TRAK2: variants seen among roughly 807,000 people sequenced by gnomAD.
The protein encoded by TRAK2 is trafficking kinesin-binding protein 2.
Under a neutral mutation model 104.6 loss-of-function variants are expected in TRAK2, and 81 were observed. That is an observed-to-expected ratio of 0.77 (90% CI 0.65 to 0.93). The LOEUF (loss-of-function observed/expected upper bound fraction) is 0.93, where lower values mean the gene tolerates loss of function less well. Among genes scored for constraint, TRAK2 ranks in the 40% least tolerant of loss-of-function variants. TRAK2 has a pLI of 0.00. For missense variants in TRAK2, 1,002 were observed against 1,089.0 expected, an observed-to-expected ratio of 0.92 and a Z score of 1.12; for synonymous variants, 406 against 394.4, an observed-to-expected ratio of 1.03 and a Z score of -0.35.
At chr2:201,405,534 G>GT (rs1951586267) in intron 3 of TRAK2, among the ~76,000 whole-genome samples, 1 of 152,190 alleles carries the variant, frequency 6.6e-6, no homozygotes, top group South Asian at 2.1e-4. Flanking sequence ...TGTAGGTGGA[G>GT]TAGGGGGCCC....
chr2:201,439,518 C>A (rs1951903055), intron 1 of TRAK2, among the ~76,000 whole-genome samples: 1 of 151,902 alleles, frequency 6.6e-6, no homozygotes, highest in Admixed American at 6.6e-5. Context: ...AAAAAAAAGT[C>A]CTTAGGCCAG....
intron 15 of TRAK2, among the ~76,000 whole-genome samples, chr2:201,382,734 G>C (rs12623282): frequency 0.58 from 87,798 of 151,970 alleles, 26,486 homozygotes; most frequent in South Asian, 0.69. Context: ...AAATGCTTCC[G>C]TAAATAATCC....
At chr2:201,406,663 T>C (rs369884266) in intron 3 of TRAK2, among the ~76,000 whole-genome samples, 12 of 152,348 alleles carry the variant, frequency 7.9e-5, no homozygotes, top group Middle Eastern at 3.4e-3. Context: ...CATATCAGTA[T>C]TGAACTCATA....
At chr2:201,413,159 A>G in intron 2 of TRAK2, 1 of 1,471,286 alleles carries the variant, frequency 6.8e-7, no homozygotes, top group Non-Finnish European at 9.4e-7. Flanking sequence ...TTGTGCCATT[A>G]AAAATCTTCC....
chr2:201,437,348 T>C (rs894478578), intron 1 of TRAK2, among the ~76,000 whole-genome samples: 3 of 152,182 alleles, frequency 2.0e-5, no homozygotes, highest in African/African-American at 7.2e-5. Flanking sequence ...TTCTCTCCTC[T>C]GGAATCTCAT....
chr2:201,404,432 T>C (rs188526030), intron 3 of TRAK2, among the ~76,000 whole-genome samples: 1 of 152,242 alleles, frequency 6.6e-6, no homozygotes, highest in East Asian at 1.9e-4. Context: ...TTTCCAGAGG[T>C]TGTTAATTAA....
chr2:201,386,846 G>A (rs114793408), intron 13 of TRAK2, among the ~76,000 whole-genome samples: 3,798 of 152,282 alleles, frequency 0.025, 75 homozygotes, highest in Non-Finnish European at 0.04. Flanking sequence ...TCTCTGGCCT[G>A]GAACTATGCC....
chr2:201,399,411 G>T lies in TRAK2; in HGVS notation c.446C>A (p.Ser149Tyr). 2 of 1,611,972 alleles carry T rather than the reference G, an allele frequency of 1.2e-6. No individual in the cohort carries two copies. Among genetic ancestry groups the T allele is most frequent in the Middle Eastern group, 3.3e-4 (2 of 6,058 alleles). ...GGCTTGTCCCAATTGCTCCTCCAGG[G>T]ATTCGTTCTGCTCAGATAAGACATG... ...RNHVLSEQNE[S>Y]LEEQLGQAFD... is the part of the protein sequence containing the mutation. Residue 149 changes from serine to tyrosine, a missense_variant, in exon 5 of 16, where the codon TCC (serine) becomes TAC (tyrosine). Transcript: ENST00000332624.
rs1219013819 is a variant in TRAK2 at position 201,420,612 on chromosome 2, A to G, written c.-105T>C. The G allele has an allele frequency of 4.2e-6, 4 of 941,384 alleles. No individual in the cohort carries two copies. Among genetic ancestry groups the G allele is most frequent in the South Asian group, 2.9e-5 (2 of 69,156 alleles). 58.3% of individuals were successfully genotyped at this position (941,384 alleles called of 1,614,324 possible). On this transcript the variant is annotated 5_prime_UTR_variant, in exon 2 of 16. Coordinates refer to ENST00000332624, the MANE Select transcript of TRAK2 (RefSeq NM_015049.3). The stretch of plus-strand genomic sequence containing the variant: ...TAATGAAATGGATTTGGTCACATGG[A>G]TATTTTCTTTTAGACAGATTTTCTC...
In TRAK2 at chr2:201,420,579, C is replaced by A; in HGVS notation, c.-72G>T. On this transcript the variant is annotated 5_prime_UTR_variant, in exon 2 of 16. Coordinates refer to ENST00000332624, the MANE Select transcript of TRAK2 (RefSeq NM_015049.3). ...ATCAGAGTAAAGGAAATCCATCAAG[C>A]CATTCAATAATGAAATGGATTTGGT... 1.6e-6 allele frequency: 2 copies of A among 1,260,134 alleles called. No homozygotes were observed. The highest frequency in any genetic ancestry group is 2.3e-6 in the Non-Finnish European group (2 of 866,556). 78.1% of individuals were successfully genotyped at this position (1,260,134 alleles called of 1,614,324 possible). A position where few individuals can be genotyped will look rare whatever the true frequency, so the allele number is the denominator to read the frequency against.
chr2:201,391,931 A>C (rs1314660557), intron 10 of TRAK2, among the ~76,000 whole-genome samples: 1 of 152,202 alleles, frequency 6.6e-6, no homozygotes, highest in Non-Finnish European at 1.5e-5. Flanking sequence ...TAGTGAGACA[A>C]CTGGAAAAAT....
At chr2:201,382,953 C>G (rs1331429390) in intron 15 of TRAK2, among the ~76,000 whole-genome samples, 2 of 152,118 alleles carry the variant, frequency 1.3e-5, no homozygotes, top group Non-Finnish European at 2.9e-5. Context: ...TCTTTCTTTT[C>G]TACTTCTAGT....
chr2:201,438,213 C>T (rs1373967082), intron 1 of TRAK2, among the ~76,000 whole-genome samples: 6 of 152,102 alleles, frequency 3.9e-5, no homozygotes, highest in African/African-American at 1.2e-4. Flanking sequence ...ATAAAACAAA[C>T]GAAACTAGCA....
At chr2:201,407,311 GC>G in intron 3 of TRAK2, 91 bp downstream of exon 3, 1 of 1,088,760 alleles carries the variant, frequency 9.2e-7, no homozygotes, top group East Asian at 2.6e-5. Context: ...CTGAACAATG[GC>G]TACTAAACAT....
intron 5 of TRAK2, among the ~76,000 whole-genome samples, chr2:201,399,033 T>C (rs2125646186): frequency 6.6e-6 from 1 of 152,234 alleles, no homozygotes; most frequent in South Asian, 2.1e-4. Context: ...TGAATAAAGA[T>C]ACCCACATAT....
chr2:201,438,510 A>T (rs576403249), intron 1 of TRAK2, among the ~76,000 whole-genome samples: 17 of 152,288 alleles, frequency 1.1e-4, no homozygotes, highest in African/African-American at 4.1e-4. Context: ...CTTAGAGGTT[A>T]ATTACTTGTC....
intron 2 of TRAK2, among the ~76,000 whole-genome samples, chr2:201,410,061 G>T (rs1951630852): frequency 6.6e-6 from 1 of 152,252 alleles, no homozygotes; most frequent in Non-Finnish European, 1.5e-5. Context: ...ACTCTGGGAG[G>T]CCGAGGCGGG....
chr2:201,417,577 A>G (rs73988782), intron 2 of TRAK2, among the ~76,000 whole-genome samples: 9,395 of 152,236 alleles, frequency 0.062, 615 homozygotes, highest in East Asian at 0.26. Context: ...TTTGGAAGAG[A>G]AGGATATCTT....
intron 1 of TRAK2, among the ~76,000 whole-genome samples, chr2:201,442,020 C>T (rs1312503697): frequency 6.6e-6 from 1 of 151,498 alleles, no homozygotes; most frequent in Non-Finnish European, 1.5e-5. Flanking sequence ...AACCAACAAA[C>T]TTCCTTTTGT....
Sources: allele counts gnomAD v4.1 joint callset (sites outside exome capture counted in the v4.1 genomes callset), GRCh38; gene constraint gnomAD v4.1.1; transcripts MANE v1.5; gene names NCBI Gene and HGNC (gene_info 2026-07-23, HGNC 2026-07-21).